Variants in USP53 observed in about 807,000 individuals in gnomAD.
USP53 encodes the protein ubiquitin specific peptidase 53.
A neutral mutation model predicts 94.9 loss-of-function variants in USP53; 71 were observed. The ratio of observed to expected loss-of-function variants is 0.75; its 90% CI spans 0.62 to 0.91. USP53 has a LOEUF of 0.91. Among genes scored for constraint, USP53 ranks in the 40% least tolerant of loss-of-function variants. The probability of loss-of-function intolerance (pLI) is 0.00; values close to 1 mark genes in which losing one functional copy is unlikely to be tolerated. For synonymous variants in USP53, 375 were observed against 422.7 expected (o/e 0.89, Z 1.39); for missense variants, 1,173 against 1,281.0 (o/e 0.92, Z 1.29).
intron 4 of USP53, among the ~76,000 whole-genome samples, chr4:119,237,477 T>A (rs1290525239): frequency 6.6e-6 from 1 of 151,990 alleles, no homozygotes; most frequent in Non-Finnish European, 1.5e-5. Context: ...GTTTTGTATG[T>A]AGCAGAGCGG....
intron 4 of USP53, among the ~76,000 whole-genome samples, 159 bp downstream of exon 4, chr4:119,235,570 G>GC (rs1365718978): frequency 6.6e-6 from 1 of 152,108 alleles, no homozygotes; most frequent in Non-Finnish European, 1.5e-5. Context: ...GGACCACCCT[G>GC]CCCAGCCATC....
At chr4:119,256,550 C>CGGCCGGGCGCGGTGGCTCACGCCTGT in intron 9 of USP53, 27 bp downstream of exon 9, 1 of 1,598,296 alleles carries the variant, frequency 6.3e-7, no homozygotes, top group Non-Finnish European at 8.6e-7. Flanking sequence ...GCTTAATTAT[C>CGGCCGGGCGCGGTGGCTCACGCCTGT]AACGATATTA....
chr4:119,238,255 G>T (rs1054844893), intron 4 of USP53, among the ~76,000 whole-genome samples: 2 of 152,150 alleles, frequency 1.3e-5, no homozygotes, highest in Non-Finnish European at 2.9e-5. Context: ...GACTGAAAAT[G>T]AGAGACATGC....
intron 17 of USP53, among the ~76,000 whole-genome samples, chr4:119,289,639 A>T (rs1339747217): frequency 6.6e-6 from 1 of 152,230 alleles, no homozygotes; most frequent in African/African-American, 2.4e-5. Context: ...GTGGGTGATG[A>T]TGTTCACAAA....
At chr4:119,219,038 A>C (rs1014572904) in intron 3 of USP53, 1 of 152,154 alleles carries the variant, frequency 6.6e-6, no homozygotes, top group Non-Finnish European at 1.5e-5. Flanking sequence ...GGATATTTCT[A>C]ATTTTCTTTA....
chr4:119,269,623 C>G (rs889153737), intron 14 of USP53, 68 bp from the exon 15 acceptor site: 29 of 1,095,298 alleles, frequency 2.6e-5, no homozygotes, highest in Non-Finnish European at 3.4e-5. Context: ...TTATATAGAT[C>G]AATTTTTATT....
chr4:119,228,424 C>T (rs1745609687), intron 3 of USP53, among the ~76,000 whole-genome samples: 1 of 152,166 alleles, frequency 6.6e-6, no homozygotes, highest in African/African-American at 2.4e-5. Context: ...TTTAAGGATT[C>T]ATGTGATTAC....
Position 119,293,245 on chromosome 4 carries a change from A to G in USP53, c.*34A>G, listed in dbSNP as rs746865221. ...AGGACTAGACCTGTGTTACATAATA[A>G]TCTTGGTTCAAGCTGCCCTTCTGAA... On this transcript the variant is annotated 3_prime_UTR_variant, in exon 19 of 19. Transcript: ENST00000692078. 2 of 1,532,832 alleles carry G rather than the reference A, an allele frequency of 1.3e-6. No homozygotes were observed. The highest frequency in any genetic ancestry group is 4.2e-5 in the Admixed American group (2 of 47,570). 95.0% of individuals were successfully genotyped at this position (1,532,832 alleles called of 1,614,324 possible).
intron 17 of USP53, among the ~76,000 whole-genome samples, chr4:119,274,228 C>T (rs1752269057): frequency 6.8e-6 from 1 of 147,522 alleles, no homozygotes; most frequent in African/African-American, 2.5e-5. Context: ...GGTATATCTC[C>T]CAGTGCTATC....
intron 5 of USP53, 23 bp from the exon 6 acceptor site, chr4:119,245,314 C>A (rs1748086823): frequency 6.2e-7 from 1 of 1,605,628 alleles, no homozygotes; most frequent in African/African-American, 1.3e-5. Flanking sequence ...TTTCTTTTTC[C>A]TTAACATCTC....
chr4:119,273,563 G>GC (rs1553974468), intron 16 of USP53, 69 bp from the exon 17 acceptor site: 40 of 902,652 alleles, frequency 4.4e-5, no homozygotes, highest in Middle Eastern at 2.4e-4. Flanking sequence ...AACAAATGTT[G>GC]TTTTTTTTTA....
rs1745543099 is a variant in USP53, at chr4:119,227,905, A to G, written c.-664-7385A>G. Among the ~76,000 whole-genome samples, 3 of 152,352 alleles carry G rather than the reference A, an allele frequency of 2.0e-5. 1 individual carries two copies. The highest frequency in any genetic ancestry group is 4.1e-4 in the South Asian group (2 of 4,830). Reference sequence around the variant, plus strand: ...ATTACTCAGTAATAAGGAATGTACAACTTCTGATTTGTGCAGCAATACAGA... The same window carrying G: ...ATTACTCAGTAATAAGGAATGTACAGCTTCTGATTTGTGCAGCAATACAGA... On this transcript the variant is annotated intron_variant, in intron 3 of 18. Coordinates refer to ENST00000692078, the MANE Select transcript of USP53 (RefSeq NM_001371395.1).
intron 17 of USP53, among the ~76,000 whole-genome samples, chr4:119,284,789 C>G (rs549549688): frequency 8.6e-5 from 13 of 151,646 alleles, no homozygotes; most frequent in African/African-American, 3.1e-4. Flanking sequence ...AATAAAAAAC[C>G]CTTGAAGTAC....
In USP53 at chr4:119,269,817, A is replaced by G. The variant is rs1376898721; in HGVS notation, c.1415A>G (p.Lys472Arg). Residue 472 changes from lysine to arginine, a missense_variant, in exon 15 of 19, where the codon AAA (lysine) becomes AGA (arginine). By Grantham distance (26) the Lys-to-Arg change is conservative. Transcript: ENST00000692078. ...AAAGATTTAGAGAAGGGACAAAGAA[A>G]AGATTTAGGACGACATAGAGGTAAG... Reference protein sequence around the residue: ...QRKDLEKGQRKDLGRHRDLVD... With the variant: ...QRKDLEKGQRRDLGRHRDLVD... The G allele has an allele frequency of 6.7e-7, 1 of 1,497,884 alleles. No individual in the cohort carries two copies. Among genetic ancestry groups the G allele is most frequent in the Non-Finnish European group, 8.9e-7 (1 of 1,124,664 alleles). 92.8% of individuals were successfully genotyped at this position (1,497,884 alleles called of 1,614,324 possible).
At position 119,292,418 on chromosome 4, in the gene USP53, A is replaced by G. The variant is rs777022555; in HGVS notation, c.2429A>G (p.His810Arg). 4.1e-5 allele frequency: 66 copies of G among 1,613,878 alleles called. No individual in the cohort carries two copies. Among genetic ancestry groups the G allele is most frequent in the Non-Finnish European group, 5.6e-5 (66 of 1,179,924 alleles). The change falls in exon 19 of 19, where the codon CAT (histidine) becomes CGT (arginine). Residue 810 changes from histidine to arginine, a missense_variant. Transcript: ENST00000692078. ...CCCAAGGACCATAATGCAAGAGAAC[A>G]TATCCACCAGTCAGATGAACAGAAA... ...QIPKDHNAREHIHQSDEQKLE... is the reference protein window; with the variant it reads ...QIPKDHNARERIHQSDEQKLE...
chr4:119,282,414 C>T (rs556403478), intron 17 of USP53, among the ~76,000 whole-genome samples: 2 of 152,184 alleles, frequency 1.3e-5, no homozygotes, highest in South Asian at 4.2e-4. Context: ...AGCAGCTGCA[C>T]CATTTTACAT....
chr4:119,212,898 G>A, intron 1 of USP53, 25 bp downstream of exon 1: 1 of 178,722 alleles, frequency 5.6e-6, no homozygotes, highest in South Asian at 1.1e-4. Flanking sequence ...CTAGCCCTCT[G>A]GTTGGAGATC....
intron 3 of USP53, among the ~76,000 whole-genome samples, chr4:119,230,019 T>C (rs139403428): frequency 3.9e-5 from 6 of 152,258 alleles, no homozygotes; most frequent in African/African-American, 1.4e-4. Flanking sequence ...CTTGTGCTCG[T>C]TTTTCAATAT....
At chr4:119,274,262 C>T (rs867972490) in intron 17 of USP53, among the ~76,000 whole-genome samples, 19 of 129,492 alleles carry the variant, frequency 1.5e-4, no homozygotes, top group African/African-American at 4.4e-4. Flanking sequence ...CCCACCCCAC[C>T]GCAGTCCCCA....
Sources: allele counts gnomAD v4.1 joint callset (sites outside exome capture counted in the v4.1 genomes callset), GRCh38; gene constraint gnomAD v4.1.1; transcripts MANE v1.5; gene names NCBI Gene and HGNC (gene_info 2026-07-23, HGNC 2026-07-21).